PIK3C3: variants seen among roughly 807,000 people sequenced by gnomAD.
The protein encoded by PIK3C3 is PI3-kinase type 3.
Under a neutral mutation model 126.1 loss-of-function variants are expected in PIK3C3, and 95 were observed. The ratio of observed to expected loss-of-function variants is 0.75; its 90% CI spans 0.64 to 0.89. PIK3C3 has a LOEUF of 0.89. Ranked by LOEUF, PIK3C3 falls within the 40% of genes least tolerant of loss-of-function variation. PIK3C3 has a pLI of 0.00. For missense variants in PIK3C3, 829 were observed against 1,063.2 expected (o/e 0.78, Z 3.06); for synonymous variants, 374 against 360.0 (o/e 1.04, Z -0.44).
intron 3 of PIK3C3, among the ~76,000 whole-genome samples, chr18:41,966,457 A>G (rs1234837563): frequency 3.3e-5 from 5 of 152,172 alleles, no homozygotes; most frequent in Admixed American, 3.3e-4. Flanking sequence ...GGTATGAGCC[A>G]CTATGCCTGG....
chr18:41,985,561 A>G (rs1981430125), intron 4 of PIK3C3, among the ~76,000 whole-genome samples: 1 of 152,168 alleles, frequency 6.6e-6, no homozygotes. Flanking sequence ...ATAGCATTTC[A>G]TAGTGTGTGT....
chr18:42,038,906 T>C, intron 18 of PIK3C3, 56 bp downstream of exon 18: 1 of 1,181,424 alleles, frequency 8.5e-7, no homozygotes, highest in Non-Finnish European at 1.2e-6. Context: ...GTGTACTTTT[T>C]CAAATTGAAA....
chr18:42,072,658 G>A (rs1475534885), intron 24 of PIK3C3, among the ~76,000 whole-genome samples: 1 of 151,968 alleles, frequency 6.6e-6, no homozygotes, highest in African/African-American at 2.4e-5. Context: ...CAGCCTCCCT[G>A]GTAGCTAGGA....
At chr18:41,973,584 TTAGA>T (rs1033442467) in intron 4 of PIK3C3, among the ~76,000 whole-genome samples, 49 of 152,246 alleles carry the variant, frequency 3.2e-4, no homozygotes, top group African/African-American at 1.1e-3. Flanking sequence ...AAAATTATGC[TTAGA>T]TACTTAACTT....
At chr18:42,056,948 C>T (rs1010408312) in intron 21 of PIK3C3, among the ~76,000 whole-genome samples, 2 of 151,684 alleles carry the variant, frequency 1.3e-5, no homozygotes, top group African/African-American at 2.4e-5. Flanking sequence ...ATTGATCTCC[C>T]CCCAAAATCA....
chr18:42,035,589 G>C lies in PIK3C3; in HGVS notation c.1839+1632G>C, dbSNP rs1984013945. ...GGGCATTCTTAAAAATTTTGAGTTA[G>C]AGTTTAGGAATAATGGTTCTGAGGC... On this transcript the variant is annotated intron_variant, in intron 16 of 24. Transcript: ENST00000262039. 3.3e-5 allele frequency among the ~76,000 whole-genome samples: 5 copies of C among 152,146 alleles called. No individual in the cohort carries two copies. The South Asian group carries it at 1.0e-3, about 32-fold the overall frequency.
At chr18:42,078,803 T>G (rs1986132029) in intron 24 of PIK3C3, among the ~76,000 whole-genome samples, 1 of 152,208 alleles carries the variant, frequency 6.6e-6, no homozygotes, top group Non-Finnish European at 1.5e-5. Flanking sequence ...GGAGATAGCT[T>G]CTTTCTTTAA....
chr18:42,039,183 T>G (rs1272962403), intron 18 of PIK3C3, among the ~76,000 whole-genome samples: 1 of 152,130 alleles, frequency 6.6e-6, no homozygotes, highest in African/African-American at 2.4e-5. Context: ...CCTGGGAGTT[T>G]GGTAGAAGAT....
chr18:42,054,383 C>T (rs1035979209), intron 21 of PIK3C3, among the ~76,000 whole-genome samples: 1 of 151,000 alleles, frequency 6.6e-6, no homozygotes, highest in Non-Finnish European at 1.5e-5. Context: ...TCTCTTTTCA[C>T]ATTTTTCTGT....
chr18:42,074,793 T>C (rs1210013887), intron 24 of PIK3C3, among the ~76,000 whole-genome samples: 2 of 152,124 alleles, frequency 1.3e-5, no homozygotes, highest in African/African-American at 2.4e-5. Flanking sequence ...TTTATGTAAA[T>C]TGACCACTAA....
chr18:42,046,329 G>GA (rs1208902191), intron 20 of PIK3C3, among the ~76,000 whole-genome samples: 24 of 151,874 alleles, frequency 1.6e-4, no homozygotes, highest in Non-Finnish European at 2.7e-4. Context: ...CAGGGTGTAA[G>GA]AAAAAAATTG....
intron 13 of PIK3C3, chr18:42,026,980 T>G (rs368151474): frequency 6.6e-6 from 1 of 152,224 alleles, no homozygotes; most frequent in African/African-American, 2.4e-5. Flanking sequence ...TTACTTAAAA[T>G]TTTATTCATC....
chr18:41,978,714 C>G (rs1358064081), intron 4 of PIK3C3, among the ~76,000 whole-genome samples: 1 of 151,964 alleles, frequency 6.6e-6, no homozygotes, highest in Non-Finnish European at 1.5e-5. Context: ...GGAGAGTTAG[C>G]CAAATAATTT....
At position 42,013,819 on chromosome 18, in the gene PIK3C3, C is replaced by CTGCCACTT. The variant is rs144612603; in HGVS notation, c.1325+224_1325+231dup. Among the ~76,000 whole-genome samples the CTGCCACTT allele has an allele frequency of 4.5e-3, 683 of 152,234 alleles. 4 individuals carry two copies. Among genetic ancestry groups the CTGCCACTT allele is most frequent in the African/African-American group, 0.016 (659 of 41,546 alleles). ...AATACCTGAGTTAAAAATCTTGACT[C>CTGCCACTT]TGCCACTTACTAGCTGTATAAACTT... On this transcript the variant is annotated intron_variant, in intron 11 of 24. Transcript: ENST00000262039.
intron 4 of PIK3C3, among the ~76,000 whole-genome samples, chr18:41,975,404 G>A (rs1035273890): frequency 7.2e-5 from 11 of 152,046 alleles, no homozygotes; most frequent in Non-Finnish European, 1.3e-4. Context: ...ATGCTTAGAC[G>A]CCCCTGGTGG....
At chr18:42,032,474 G>T (rs900901994) in intron 15 of PIK3C3, among the ~76,000 whole-genome samples, 3 of 152,060 alleles carry the variant, frequency 2.0e-5, no homozygotes, top group African/African-American at 7.2e-5. Flanking sequence ...CTGTAGGAGG[G>T]TGAAAAGTTT....
chr18:42,053,526 T>C (rs369495196), intron 21 of PIK3C3, among the ~76,000 whole-genome samples: 11 of 152,302 alleles, frequency 7.2e-5, no homozygotes, highest in African/African-American at 2.4e-4. Context: ...AATTCTTTTT[T>C]CATTATTACT....
rs183855584 is a variant in PIK3C3, at chr18:42,005,402, G to T, written c.1170+861G>T. Among the ~76,000 whole-genome samples the T allele has an allele frequency of 1.6e-4, 24 of 152,294 alleles. 1 individual carries two copies. The highest frequency in any genetic ancestry group is 1.4e-3 in the Admixed American group (22 of 15,294). The stretch of plus-strand genomic sequence containing the variant: ...CTGTCATATATGTGGTCCTGTCTTG[G>T]CTGAAGCATTGTTATGTGGCACATG... On this transcript the variant is annotated intron_variant, in intron 10 of 24. Transcript: ENST00000262039.
At chr18:41,964,368 T>G (rs1156703095) in intron 3 of PIK3C3, among the ~76,000 whole-genome samples, 1 of 152,136 alleles carries the variant, frequency 6.6e-6, no homozygotes, top group Non-Finnish European at 1.5e-5. Flanking sequence ...TCTTGGCTTC[T>G]TTGCTTAGTA....
Sources: allele counts gnomAD v4.1 joint callset (sites outside exome capture counted in the v4.1 genomes callset), GRCh38; gene constraint gnomAD v4.1.1; transcripts MANE v1.5; gene names NCBI Gene and HGNC (gene_info 2026-07-23, HGNC 2026-07-21).